The following IGSF6 variants were observed in gnomAD, a reference collection of about 807,000 sequenced individuals.
IGSF6 encodes down-regulated by activation (immunoglobulin superfamily).
Under a neutral mutation model 24.7 loss-of-function variants are expected in IGSF6, and 23 were observed. That is an observed-to-expected ratio of 0.93 (90% CI 0.67 to 1.32). The LOEUF (loss-of-function observed/expected upper bound fraction) is 1.32. IGSF6 is among the 40% of genes most tolerant of loss of function. IGSF6 has a pLI of 0.00. For missense variants in IGSF6, 295 were observed against 293.6 expected (o/e 1.00, Z -0.04); for synonymous variants, 110 against 113.7 (o/e 0.97, Z 0.21).
chr16:21,643,298 CTT>C, intron 4 of IGSF6, 144 bp from the exon 5 acceptor site: 1 of 659,910 alleles, frequency 1.5e-6, no homozygotes, highest in Non-Finnish European at 2.6e-6. Flanking sequence ...ACAGTTAACT[CTT>C]TTGTATTTGA....
chr16:21,650,642 C>T lies in IGSF6; in HGVS notation c.67+1890G>A, dbSNP rs915070941. ...GGAATTTCATATCTCTACTTATTTC[C>T]ACCTTCTTCCCAATTAGGCTATGTG... is the stretch of plus-strand genomic sequence containing the variant. On this transcript the variant is annotated intron_variant, in intron 1 of 5. Coordinates refer to ENST00000268389, the MANE Select transcript of IGSF6 (RefSeq NM_005849.4). Among the ~76,000 whole-genome samples the T allele has an allele frequency of 1.8e-4, 28 of 152,026 alleles. 1 individual carries two copies. The highest frequency in any genetic ancestry group is 1.9e-4 in the East Asian group (1 of 5,200).
At chr16:21,649,087 T>C (rs894986528) in intron 1 of IGSF6, among the ~76,000 whole-genome samples, 12 of 152,020 alleles carry the variant, frequency 7.9e-5, no homozygotes, top group Non-Finnish European at 1.5e-4. Flanking sequence ...ACCTCCCAGG[T>C]TCAAGCCATC....
chr16:21,645,262 G>T (rs1431447534), intron 2 of IGSF6, among the ~76,000 whole-genome samples: 1 of 152,130 alleles, frequency 6.6e-6, no homozygotes, highest in Non-Finnish European at 1.5e-5. Context: ...ACACCAGCCT[G>T]GCCAACATGG....
intron 2 of IGSF6, 124 bp downstream of exon 2, chr16:21,647,009 C>T: frequency 7.9e-7 from 1 of 1,259,406 alleles, no homozygotes; most frequent in Admixed American, 1.7e-5. Context: ...AGATCACACC[C>T]ATCACTGGCT....
rs1201428304 is a variant in IGSF6, at chr16:21,647,333, T to C, written c.227A>G (p.Glu76Gly). 1.2e-6 allele frequency: 2 copies of C among 1,614,216 alleles called. No homozygotes were observed. Among genetic ancestry groups the C allele is most frequent in the African/African-American group, 2.7e-5 (2 of 75,050 alleles). The change falls in exon 2 of 6, where the codon GAG becomes GGG. Residue 76 changes from glutamate (E) to glycine (G), a missense_variant. Glu to Gly is a moderately conservative substitution (Grantham distance 98, BLOSUM62 -2). Transcript: ENST00000268389. ...LWFRYGAHQPENLCLDGCKSE... is the reference protein window; with the variant it reads ...LWFRYGAHQPGNLCLDGCKSE... The stretch of plus-strand genomic sequence containing the variant: ...TTTGCACCCGTCCAAGCACAGGTTC[T>C]CAGGCTGGTGAGCACCGTAGCGAAA...
intron 1 of IGSF6, 46 bp from the exon 2 acceptor site, chr16:21,647,538 CTT>C (rs1966463951): frequency 1.9e-6 from 3 of 1,557,588 alleles, no homozygotes; most frequent in South Asian, 1.2e-5. Flanking sequence ...TGCCACCTCA[CTT>C]TGTGCTTTTA....
At position 21,641,574 on chromosome 16, in the gene IGSF6, TAA is replaced by T; in HGVS notation, c.684_685del (p.Tyr229Ter). The T allele has an allele frequency of 6.3e-7, 1 of 1,588,368 alleles. No homozygotes were observed. Among genetic ancestry groups the T allele is most frequent in the Non-Finnish European group, 8.6e-7 (1 of 1,158,958 alleles). On this transcript the variant is annotated frameshift_variant, in exon 6 of 6. Transcript: ENST00000268389. LOFTEE classifies it high-confidence loss of function. ...GTTGGAAAGTACTCTTCTGTTTTCA[TAA>T]GTGTTGTTATCTTTCTCCTGCAATA... is the stretch of plus-strand genomic sequence containing the variant.
chr16:21,647,585 T>C (rs1966464908), intron 1 of IGSF6, 93 bp from the exon 2 acceptor site: 1 of 1,443,972 alleles, frequency 6.9e-7, no homozygotes. Context: ...AGCCATTCTG[T>C]TATTTTTCTT....
intron 2 of IGSF6, among the ~76,000 whole-genome samples, chr16:21,645,232 C>A (rs1330090651): frequency 6.6e-6 from 1 of 152,170 alleles, no homozygotes; most frequent in African/African-American, 2.4e-5. Context: ...GTGGGCAGAT[C>A]ACTTGAGATC....
intron 2 of IGSF6, among the ~76,000 whole-genome samples, chr16:21,644,946 A>G (rs943427443): frequency 2.0e-5 from 3 of 152,212 alleles, no homozygotes; most frequent in African/African-American, 4.8e-5. Context: ...CTTTTGCCAA[A>G]TGTGCTCTTC....
At chr16:21,642,354 C>T (rs1006147825) in intron 5 of IGSF6, 1 of 152,030 alleles carries the variant, frequency 6.6e-6, no homozygotes, top group Non-Finnish European at 1.5e-5. Flanking sequence ...TTAGCATGGC[C>T]CCTACACAAA....
intron 2 of IGSF6, chr16:21,646,932 G>T: frequency 1.6e-6 from 1 of 643,098 alleles, no homozygotes. Context: ...GGGATTACAG[G>T]TGTGAGCCAC....
intron 3 of IGSF6, 87 bp downstream of exon 3, chr16:21,644,203 C>A: frequency 1.1e-6 from 1 of 948,042 alleles, no homozygotes; most frequent in Non-Finnish European, 1.7e-6. Context: ...TTGCTGAGGC[C>A]CATAACTTGT....
At position 21,647,359 on chromosome 16, in the gene IGSF6, C is replaced by T; in HGVS notation, c.201G>A (p.Trp67Ter). ...GCPSEQPTCL[W>*]FRYGAHQPEN... ...CAGGCTGGTGAGCACCGTAGCGAAA[C>T]CACAGGCATGTTGGTTGCTCAGAAG... Residue 67 changes from tryptophan to a stop codon, truncating the protein, a stop_gained, in exon 2 of 6, where the codon TGG (tryptophan) becomes TGA (stop). Coordinates refer to ENST00000268389, the MANE Select transcript of IGSF6 (RefSeq NM_005849.4). LOFTEE classifies it high-confidence loss of function. The T allele has an allele frequency of 1.9e-6, 3 of 1,614,136 alleles. No individual in the cohort carries two copies. The highest frequency in any genetic ancestry group is 8.5e-7 in the Non-Finnish European group (1 of 1,180,024).
intron 1 of IGSF6, chr16:21,652,000 C>G (rs1290256829): frequency 2.6e-5 from 4 of 151,910 alleles, no homozygotes; most frequent in African/African-American, 4.8e-5. Context: ...CCCTATAATC[C>G]AAATTGTGTG....
chr16:21,648,563 A>G (rs909877941), intron 1 of IGSF6, among the ~76,000 whole-genome samples: 4 of 152,208 alleles, frequency 2.6e-5, no homozygotes, highest in African/African-American at 9.6e-5. Flanking sequence ...TGTACTGTCC[A>G]CCATGTGGTG....
In IGSF6 at chr16:21,642,944, A is replaced by G. The variant is rs148043355; in HGVS notation, c.666+130T>C. The G allele has an allele frequency of 3.3e-4, 196 of 592,474 alleles. 1 individual carries two copies. The East Asian group carries it at 5.2e-3, about 16-fold the overall frequency. 36.7% of individuals were successfully genotyped at this position (592,474 alleles called of 1,614,324 possible). Reference sequence around the variant, plus strand: ...TAAAACAGGTTCTATATAAAAATACATTCTTGTGAAAGTTCTCTTTCAGAC... The same window carrying G: ...TAAAACAGGTTCTATATAAAAATACGTTCTTGTGAAAGTTCTCTTTCAGAC... On this transcript the variant is annotated intron_variant, in intron 5 of 5. Coordinates refer to ENST00000268389, the MANE Select transcript of IGSF6 (RefSeq NM_005849.4).
At chr16:21,642,972 T>C (rs1351693698) in intron 5 of IGSF6, 102 bp downstream of exon 5, 8 of 730,164 alleles carry the variant, frequency 1.1e-5, no homozygotes, top group Non-Finnish European at 1.9e-5. Context: ...TTTCAGACTC[T>C]TCTGAAGGAA....
rs192939219 is a variant in IGSF6, at chr16:21,643,139, G to T, written c.601C>A (p.Arg201Ser). The T allele has an allele frequency of 2.5e-6, 4 of 1,605,486 alleles. No individual in the cohort carries two copies. Among genetic ancestry groups the T allele is most frequent in the Non-Finnish European group, 3.4e-6 (4 of 1,176,032 alleles). ...EDSQKKKSAR[R>S]IFQEIAQELY... Reference sequence around the variant, plus strand: ...TCTTGAGCAATTTCCTGAAAAATACGCCGAGCACTCTTCTTCTATAAAGAC... The same window carrying T: ...TCTTGAGCAATTTCCTGAAAAATACTCCGAGCACTCTTCTTCTATAAAGAC... The change falls in exon 5 of 6, where the codon CGT (arginine) becomes AGT (serine). Residue 201 changes from arginine to serine, a missense_variant. Coordinates refer to ENST00000268389, the MANE Select transcript of IGSF6 (RefSeq NM_005849.4).
Sources: gnomAD v4.1 joint callset for allele counts (sites outside exome capture counted in the v4.1 genomes callset) on GRCh38, gnomAD v4.1.1 for gene constraint, MANE v1.5 for transcripts, NCBI Gene and HGNC (gene_info 2026-07-23, HGNC 2026-07-21) for gene names.